MAPK4: variants seen among roughly 807,000 people sequenced by gnomAD.
The protein encoded by MAPK4 is Erk3-related.
In MAPK4, 22 loss-of-function variants were observed where a neutral mutation model predicts 47.7. The ratio of observed to expected loss-of-function variants is 0.46; its 90% CI spans 0.33 to 0.66. The LOEUF is 0.66. MAPK4 is among the 30% of genes least tolerant of loss of function. MAPK4 has a pLI of 0.02. For synonymous variants in MAPK4, 390 were observed against 365.7 expected (o/e 1.07, Z -0.76); for missense variants, 736 against 831.7 (o/e 0.88, Z 1.42).
intron 5 of MAPK4, among the ~76,000 whole-genome samples, chr18:50,728,909 T>G (rs1034748861): frequency 1.3e-5 from 2 of 152,198 alleles, no homozygotes; most frequent in Non-Finnish European, 2.9e-5. Flanking sequence ...TGCTGGCACA[T>G]GGTAGGTGCG....
intron 4 of MAPK4, among the ~76,000 whole-genome samples, chr18:50,722,493 C>G (rs911392681): frequency 6.6e-6 from 1 of 152,206 alleles, no homozygotes; most frequent in Admixed American, 6.5e-5. Context: ...GCTGTGTGGC[C>G]TCAGGCAAGG....
At chr18:50,715,358 A>G (rs996361748) in intron 3 of MAPK4, 135 bp downstream of exon 3, 31 of 1,065,646 alleles carry the variant, frequency 2.9e-5, no homozygotes, top group Non-Finnish European at 3.9e-5. Context: ...TTATGACACT[A>G]TTTGGAGGCA....
chr18:50,668,164 G>T (rs749247956), intron 2 of MAPK4, among the ~76,000 whole-genome samples: 1 of 152,172 alleles, frequency 6.6e-6, no homozygotes, highest in Non-Finnish European at 1.5e-5. Flanking sequence ...AAACAGCCAG[G>T]TGAAAAGATA....
At chr18:50,725,923 G>A (rs1911166122) in intron 4 of MAPK4, 39 bp from the exon 5 acceptor site, 2 of 1,525,834 alleles carry the variant, frequency 1.3e-6, no homozygotes, top group Admixed American at 1.7e-5. Flanking sequence ...CTCAACAAGG[G>A]CAACAAATGA....
At chr18:50,719,510 C>T (rs557632465) in intron 3 of MAPK4, among the ~76,000 whole-genome samples, 1 of 152,308 alleles carries the variant, frequency 6.6e-6, no homozygotes, top group South Asian at 2.1e-4. Context: ...AGGGAGGTCT[C>T]GCCCTGGACT....
chr18:50,594,146 G>A (rs998981509), intron 1 of MAPK4, among the ~76,000 whole-genome samples: 1 of 152,188 alleles, frequency 6.6e-6, no homozygotes, highest in African/African-American at 2.4e-5. Context: ...ATGAAAGCCG[G>A]AAGACTCAGC....
intron 1 of MAPK4, among the ~76,000 whole-genome samples, chr18:50,660,804 A>G (rs1315558043): frequency 6.6e-6 from 1 of 152,162 alleles, no homozygotes; most frequent in Non-Finnish European, 1.5e-5. Context: ...CCAGGCAGCA[A>G]AGAGTCTATT....
chr18:50,613,099 A>G (rs548720248), intron 1 of MAPK4, among the ~76,000 whole-genome samples: 3 of 152,350 alleles, frequency 2.0e-5, no homozygotes, highest in Admixed American at 6.5e-5. Context: ...TGCAATGAAT[A>G]TAACCCCTTT....
At chr18:50,680,611 A>G (rs1396115449) in intron 2 of MAPK4, among the ~76,000 whole-genome samples, 1 of 152,012 alleles carries the variant, frequency 6.6e-6, no homozygotes, top group Non-Finnish European at 1.5e-5. Context: ...AACCTTAGAC[A>G]ACCACTAGTC....
At chr18:50,617,177 G>GT (rs965588310) in intron 1 of MAPK4, among the ~76,000 whole-genome samples, 1 of 152,092 alleles carries the variant, frequency 6.6e-6, no homozygotes, top group Non-Finnish European at 1.5e-5. Context: ...ATTTTTGCAG[G>GT]TTTTCTCAAA....
intron 1 of MAPK4, among the ~76,000 whole-genome samples, chr18:50,614,003 A>AGGATGCCCAGC (rs1271438730): frequency 2.6e-5 from 4 of 152,240 alleles, no homozygotes; most frequent in Non-Finnish European, 5.9e-5. Context: ...AACTATATTG[A>AGGATGCCCAGC]CAATATATCT....
chr18:50,729,797 C>T lies in MAPK4; in HGVS notation c.1707C>T (p.Ile569=), dbSNP rs750882322. The stretch of plus-strand genomic sequence containing the variant: ...TGGGCGACCTCAATGGTGCGTGCAT[C>T]CCCGAGCACCCTGGCGACCTCGTGC... ...NKLGDLNGAC[I]PEHPGDLVQT... is the part of the protein sequence containing the mutation. Residue 569 remains isoleucine, a synonymous_variant, in exon 6 of 6, where the codon ATC becomes ATT. Transcript: ENST00000400384. The T allele has an allele frequency of 1.4e-4, 218 of 1,612,348 alleles. No individual in the cohort carries two copies. The highest frequency in any genetic ancestry group is 1.8e-4 in the Non-Finnish European group (209 of 1,179,778).
In MAPK4 at chr18:50,572,565, G is replaced by A. The variant is rs569510891; in HGVS notation, c.-871+12322G>A. ...TACTGAAACCCCTCCTTTCTTATCA[G>A]CAGTCTTTCTTCTGAGATTCTCATA... On this transcript the variant is annotated intron_variant, in intron 1 of 5. Transcript: ENST00000400384. Among the ~76,000 whole-genome samples, 6 of 152,168 alleles carry A rather than the reference G, an allele frequency of 3.9e-5. No homozygotes were observed. The South Asian group carries it at 1.2e-3, about 32-fold the overall frequency.
chr18:50,676,204 T>C (rs1005649802), intron 2 of MAPK4, among the ~76,000 whole-genome samples: 3 of 152,214 alleles, frequency 2.0e-5, no homozygotes, highest in Non-Finnish European at 4.4e-5. Flanking sequence ...CTGCAAATAT[T>C]GTAACCTGAT....
In MAPK4 at chr18:50,625,882, GCACACACACACACACACACA is replaced by G. The variant is rs58870306; in HGVS notation, c.-870-37180_-870-37161del. Among the ~76,000 whole-genome samples the G allele has an allele frequency of 8.5e-3, 1,240 of 145,408 alleles. 18 individuals carry two copies. The highest frequency in any genetic ancestry group is 0.03 in the African/African-American group (1,158 of 38,638). On this transcript the variant is annotated intron_variant, in intron 1 of 5. Coordinates refer to ENST00000400384, the MANE Select transcript of MAPK4 (RefSeq NM_002747.4). ...AGAAAAACCAATAGGGTGTGTGTAT[GCACACACACACACACACACA>G]CACACACACACACACACACACACAC...
chr18:50,565,173 G>T (rs1170059902), intron 1 of MAPK4, among the ~76,000 whole-genome samples: 1 of 152,236 alleles, frequency 6.6e-6, no homozygotes, highest in African/African-American at 2.4e-5. Context: ...TGAGAGCACA[G>T]ATCAAAATGG....
At chr18:50,588,627 T>C (rs1381185655) in intron 1 of MAPK4, among the ~76,000 whole-genome samples, 1 of 152,200 alleles carries the variant, frequency 6.6e-6, no homozygotes, top group East Asian at 1.9e-4. Flanking sequence ...CTATCTCAGC[T>C]CACTGCAGCC....
chr18:50,581,915 T>C (rs1279795413), intron 1 of MAPK4, among the ~76,000 whole-genome samples: 2 of 152,196 alleles, frequency 1.3e-5, no homozygotes, highest in African/African-American at 4.8e-5. Context: ...ATCATTGTCC[T>C]TTTGAAAGCA....
At chr18:50,576,888 G>A (rs2149360858) in intron 1 of MAPK4, among the ~76,000 whole-genome samples, 2 of 152,326 alleles carry the variant, frequency 1.3e-5, no homozygotes, top group South Asian at 2.1e-4. Context: ...AGGACCTCAT[G>A]AGAATGGAGG....
Sources: gnomAD v4.1 joint callset for allele counts (sites outside exome capture counted in the v4.1 genomes callset) on GRCh38, gnomAD v4.1.1 for gene constraint, MANE v1.5 for transcripts, NCBI Gene and HGNC (gene_info 2026-07-23, HGNC 2026-07-21) for gene names.